The following USP24 variants were observed in gnomAD, a reference collection of about 807,000 sequenced individuals.
The protein encoded by USP24 is ubiquitin specific peptidase 24, also known as ubiquitin carboxyl-terminal hydrolase 24.
Under a neutral mutation model 361.6 loss-of-function variants are expected in USP24, and 97 were observed. The observed-to-expected ratio is 0.27, with a 90% CI of 0.23 to 0.32. USP24 has a LOEUF of 0.32. USP24 is among the 10% of genes least tolerant of loss of function. The pLI is 1.00. For synonymous variants in USP24, 1,098 were observed against 1,124.6 expected (o/e 0.98, Z 0.47); for missense variants, 2,353 against 3,165.6 (o/e 0.74, Z 6.16).
intron 7 of USP24, among the ~76,000 whole-genome samples, chr1:55,164,707 A>G (rs1648647663): frequency 6.6e-6 from 1 of 152,054 alleles, no homozygotes; most frequent in South Asian, 2.1e-4. Context: ...TAACTTTAGC[A>G]CATTTGATAA....
At chr1:55,100,767 C>T in intron 44 of USP24, 72 bp downstream of exon 44, 2 of 1,425,962 alleles carry the variant, frequency 1.4e-6, no homozygotes, top group South Asian at 1.7e-5. Context: ...AACAAAAAAC[C>T]ATTACCATTA....
intron 12 of USP24, among the ~76,000 whole-genome samples, chr1:55,155,024 C>A (rs60981409): frequency 0.038 from 5,662 of 148,376 alleles, 337 homozygotes; most frequent in African/African-American, 0.14. Flanking sequence ...AAAAAAAAAA[C>A]CCCATGAGAA....
intron 8 of USP24, among the ~76,000 whole-genome samples, chr1:55,161,576 T>C (rs1341957881): frequency 1.3e-5 from 2 of 152,166 alleles, no homozygotes; most frequent in South Asian, 2.1e-4. Flanking sequence ...ATAGAAGTTA[T>C]AGGGTCCACA....
intron 25 of USP24, 41 bp from the exon 26 acceptor site, chr1:55,138,759 T>G: frequency 6.9e-7 from 1 of 1,451,890 alleles, no homozygotes; most frequent in Non-Finnish European, 9.6e-7. Context: ...ACAGCACCAC[T>G]GATAAACACA....
At chr1:55,202,694 C>T (rs1015982256) in intron 1 of USP24, among the ~76,000 whole-genome samples, 6 of 152,140 alleles carry the variant, frequency 3.9e-5, no homozygotes, top group Non-Finnish European at 8.8e-5. Flanking sequence ...CGTGAGCCAC[C>T]ACATCCGGCC....
chr1:55,213,315 A>G (rs975714336), intron 1 of USP24, among the ~76,000 whole-genome samples: 3 of 152,244 alleles, frequency 2.0e-5, no homozygotes, highest in African/African-American at 7.2e-5. Context: ...TCCATATACT[A>G]GTCAACGATA....
At chr1:55,137,423 C>G (rs1439813178) in intron 28 of USP24, 92 bp downstream of exon 28, 2 of 1,393,060 alleles carry the variant, frequency 1.4e-6, no homozygotes, top group East Asian at 5.0e-5. Flanking sequence ...ACTAATGAAT[C>G]CCAGCATTTG....
intron 40 of USP24, among the ~76,000 whole-genome samples, chr1:55,106,980 T>C (rs950494982): frequency 1.3e-5 from 2 of 152,206 alleles, no homozygotes; most frequent in Non-Finnish European, 2.9e-5. Flanking sequence ...TACTTTGAAT[T>C]ATAATTCTTA....
intron 16 of USP24, among the ~76,000 whole-genome samples, chr1:55,149,200 A>G (rs1263286857): frequency 2.6e-5 from 4 of 152,232 alleles, no homozygotes; most frequent in African/African-American, 9.6e-5. Context: ...GACAATCCAG[A>G]TCGTCATAGT....
Position 55,107,300 on chromosome 1 carries a change from T to C in USP24, c.4701A>G (p.Ala1567=). 4 of 1,613,986 alleles carry C rather than the reference T, an allele frequency of 2.5e-6. No individual in the cohort carries two copies. The highest frequency in any genetic ancestry group is 3.4e-6 in the Non-Finnish European group (4 of 1,179,878). ...ETSEADNILL[A]GHLRLIKTLL... is the part of the protein sequence containing the mutation. Reference sequence around the variant, plus strand: ...GGGTCTTGATGAGGCGTAAGTGCCCTGCCAGTAAGATGTTGTCCGCTTCAC... The same window carrying C: ...GGGTCTTGATGAGGCGTAAGTGCCCCGCCAGTAAGATGTTGTCCGCTTCAC... The change falls in exon 40 of 68, where the codon GCA becomes GCG. Residue 1567 remains alanine, a synonymous_variant. Transcript: ENST00000294383.
At chr1:55,171,394 ACT>A (rs1649427323) in intron 5 of USP24, among the ~76,000 whole-genome samples, 160 bp downstream of exon 5, 1 of 152,160 alleles carries the variant, frequency 6.6e-6, no homozygotes, top group Non-Finnish European at 1.5e-5. Flanking sequence ...AAAATTATGC[ACT>A]GTCTGAAAAA....
At chr1:55,114,881 C>T (rs180993711) in intron 38 of USP24, among the ~76,000 whole-genome samples, 28 of 152,058 alleles carry the variant, frequency 1.8e-4, no homozygotes, top group Admixed American at 1.1e-3. Context: ...AATTATATCC[C>T]GAAATTGACA....
At chr1:55,166,417 C>T (rs1292580373) in intron 6 of USP24, 151 bp downstream of exon 6, 1 of 777,400 alleles carries the variant, frequency 1.3e-6, no homozygotes, top group Non-Finnish European at 2.1e-6. Context: ...ATTGTACATA[C>T]AAAAAAAGGA....
rs1046699506 is a variant in USP24, at chr1:55,125,878, TAA to T, written c.3636-122_3636-121del. 111 of 803,558 alleles carry T rather than the reference TAA, an allele frequency of 1.4e-4. No individual in the cohort carries two copies. The African/African-American group carries it at 1.6e-3, about 12-fold the overall frequency. The allele number at this position is 803,558 out of a possible 1,614,324, so 49.8% of individuals were successfully genotyped here. ...ACTTAGTTTCTACATGATTCTGTCA[TAA>T]AAAGAGCCTACATATATCTATCATA... is the stretch of plus-strand genomic sequence containing the variant. On this transcript the variant is annotated intron_variant, in intron 32 of 67. Transcript: ENST00000294383.
intron 49 of USP24, 78 bp downstream of exon 49, chr1:55,096,874 C>G: frequency 6.6e-7 from 1 of 1,512,158 alleles, no homozygotes; most frequent in East Asian, 2.4e-5. Context: ...GTCCCTGCAC[C>G]ACAGCGGTGA....
rs1437384788 is a variant in USP24 at position 55,151,035 on chromosome 1, C to T, written c.1861-2465G>A. ...ACTTAGTATTTCCACTGATGAGGAA[C>T]TCACTACCTCAGAAGGGACTGAATT... On this transcript the variant is annotated intron_variant, in intron 16 of 67. Transcript: ENST00000294383. Among the ~76,000 whole-genome samples the T allele has an allele frequency of 4.6e-5, 7 of 152,228 alleles. No homozygotes were observed. In the South Asian group the frequency reaches 8.3e-4, roughly 18 times the overall value.
At chr1:55,214,764 A>C in intron 1 of USP24, 26 bp downstream of exon 1, 1 of 1,211,568 alleles carries the variant, frequency 8.3e-7, no homozygotes, top group African/African-American at 1.6e-5. Context: ...GGCTTCCCAC[A>C]GAGGTCTGGG....
intron 1 of USP24, among the ~76,000 whole-genome samples, chr1:55,185,438 C>A (rs1346493006): frequency 6.6e-6 from 1 of 150,720 alleles, no homozygotes; most frequent in African/African-American, 2.4e-5. Flanking sequence ...ATAAATAAAA[C>A]CAAAAGTTGG....
chr1:55,112,533 C>T (rs2100558411), intron 38 of USP24, among the ~76,000 whole-genome samples: 1 of 152,140 alleles, frequency 6.6e-6, no homozygotes, highest in African/African-American at 2.4e-5. Context: ...CATTATTTAC[C>T]CAGTAGTCAT....
Sources: gnomAD v4.1 joint callset for allele counts (sites outside exome capture counted in the v4.1 genomes callset) on GRCh38, gnomAD v4.1.1 for gene constraint, MANE v1.5 for transcripts, NCBI Gene and HGNC (gene_info 2026-07-23, HGNC 2026-07-21) for gene names.